FAM193A: variants seen among roughly 807,000 people sequenced by gnomAD.
FAM193A encodes the protein protein FAM193A.
Under a neutral mutation model 126.5 loss-of-function variants are expected in FAM193A, and 22 were observed. That is an observed-to-expected ratio of 0.17 (90% confidence interval 0.12 to 0.25). The LOEUF is 0.25. Ranked by LOEUF, FAM193A falls within the 10% of genes least tolerant of loss-of-function variation. The pLI, the probability that FAM193A is intolerant of heterozygous loss-of-function variation, is 1.00. For missense variants in FAM193A, 1,675 were observed against 1,672.8 expected, an observed-to-expected ratio of 1.00 and a Z score of -0.02; for synonymous variants, 761 against 646.8, an observed-to-expected ratio of 1.18 and a Z score of -2.68.
At chr4:2,686,618 C>T (rs969107640) in intron 13 of FAM193A, among the ~76,000 whole-genome samples, 6 of 152,248 alleles carry the variant, frequency 3.9e-5, no homozygotes, top group African/African-American at 1.4e-4. Context: ...TCTGAACACA[C>T]ATGGGTGGTG....
chr4:2,663,941 TG>T (rs1712789097), intron 12 of FAM193A, among the ~76,000 whole-genome samples: 1 of 152,228 alleles, frequency 6.6e-6, no homozygotes, highest in African/African-American at 2.4e-5. Flanking sequence ...CACTTCAGCC[TG>T]GGCGACAAAG....
chr4:2,621,973 G>A (rs1447222684), intron 2 of FAM193A, among the ~76,000 whole-genome samples: 2 of 152,090 alleles, frequency 1.3e-5, no homozygotes, highest in Non-Finnish European at 2.9e-5. Flanking sequence ...ACCTAAATGT[G>A]GCTTAGTGTG....
At chr4:2,731,652 A>G in intron 20 of FAM193A, 123 bp from the exon 21 acceptor site, 1 of 723,912 alleles carries the variant, frequency 1.4e-6, no homozygotes, top group Non-Finnish European at 2.4e-6. Context: ...CCTCACCGAG[A>G]ATCTAAACCC....
chr4:2,732,143 G>A lies in FAM193A; in HGVS notation c.*275G>A. 2.1e-6 allele frequency: 1 copy of A among 476,344 alleles called. No homozygotes were observed. Among genetic ancestry groups the A allele is most frequent in the Non-Finnish European group, 3.9e-6 (1 of 259,184 alleles). 29.5% of individuals were successfully genotyped at this position (476,344 alleles called of 1,614,324 possible). A position where few individuals can be genotyped will look rare whatever the true frequency, so the allele number is the denominator to read the frequency against. Reference sequence around the variant, plus strand: ...GTCCTCCCACCACCGCGGCCTCGGAGGCCTGGGCCGTGGCCAGATAGGAGT... The same window carrying A: ...GTCCTCCCACCACCGCGGCCTCGGAAGCCTGGGCCGTGGCCAGATAGGAGT... On this transcript the variant is annotated 3_prime_UTR_variant, in exon 21 of 21. Transcript: ENST00000637812.
In FAM193A at chr4:2,700,217, G is replaced by C; in HGVS notation, c.4045G>C (p.Glu1349Gln). 1 of 1,613,886 alleles carries C rather than the reference G, an allele frequency of 6.2e-7. No individual in the cohort carries two copies. Among genetic ancestry groups the C allele is most frequent in the South Asian group, 1.1e-5 (1 of 91,058 alleles). ...KLRQTSKASS[E>Q]PARRPTEPPK... ...GAGGCAGACCAGCAAGGCCAGCAGC[G>C]AGCCAGCGAGGAGGCCCACAGAGCC... Residue 1349 changes from glutamate to glutamine, a missense_variant, in exon 19 of 21, where the codon GAG (glutamate) becomes CAG (glutamine). This residue lies in a region of FAM193A where 415 missense variants were observed against 396.7 expected (regional missense o/e 1.05). Coordinates refer to ENST00000637812, the MANE Select transcript of FAM193A (RefSeq NM_001366318.2).
chr4:2,627,785 C>T (rs1743125801), intron 4 of FAM193A, among the ~76,000 whole-genome samples: 1 of 151,478 alleles, frequency 6.6e-6, no homozygotes, highest in Admixed American at 6.6e-5. Context: ...CTCTGTCGCC[C>T]AGGCTGGAGT....
intron 6 of FAM193A, among the ~76,000 whole-genome samples, chr4:2,641,172 CTGGGAT>C (rs1744583727): frequency 6.6e-6 from 1 of 151,368 alleles, no homozygotes. Context: ...TTCTGAGTAG[CTGGGAT>C]TGGGATTACA....
At chr4:2,687,983 C>T (rs1715933417) in intron 13 of FAM193A, among the ~76,000 whole-genome samples, 1 of 152,184 alleles carries the variant, frequency 6.6e-6, no homozygotes, top group African/African-American at 2.4e-5. Flanking sequence ...CGAACCATCG[C>T]CCATTCTTAA....
chr4:2,565,097 G>A (rs952253855), intron 1 of FAM193A, among the ~76,000 whole-genome samples: 8 of 151,888 alleles, frequency 5.3e-5, no homozygotes, highest in African/African-American at 1.7e-4. Flanking sequence ...CACTGCACCT[G>A]GCTACGTGGG....
At chr4:2,581,584 A>C (rs1739944986) in intron 1 of FAM193A, among the ~76,000 whole-genome samples, 2 of 150,968 alleles carry the variant, frequency 1.3e-5, no homozygotes, top group African/African-American at 4.9e-5. Flanking sequence ...TATGTGGGTT[A>C]GGTATGCTGG....
rs1560632754 is a variant in FAM193A at position 2,731,869 on chromosome 4, A to ATG, written c.*2_*3dup. On this transcript the variant is annotated 3_prime_UTR_variant, in exon 21 of 21. Coordinates refer to ENST00000637812, the MANE Select transcript of FAM193A (RefSeq NM_001366318.2). ...AAAAGCCACCTTTGCTGCCCACTGA[A>ATG]TGAGGACTCCCTGGAGAGGGACACG... The ATG allele has an allele frequency of 6.2e-6, 10 of 1,610,102 alleles. No homozygotes were observed. Among genetic ancestry groups the ATG allele is most frequent in the Non-Finnish European group, 8.5e-6 (10 of 1,176,546 alleles).
At chr4:2,666,094 T>G (rs1469807725) in intron 12 of FAM193A, among the ~76,000 whole-genome samples, 2 of 152,256 alleles carry the variant, frequency 1.3e-5, no homozygotes, top group Non-Finnish European at 2.9e-5. Context: ...ATTTAATCTT[T>G]GACCACTCTT....
intron 2 of FAM193A, among the ~76,000 whole-genome samples, chr4:2,605,725 A>G (rs1741494077): frequency 6.6e-6 from 1 of 152,068 alleles, no homozygotes; most frequent in South Asian, 2.1e-4. Flanking sequence ...TAATCCCAGC[A>G]CTTTGGGAGG....
At chr4:2,546,105 G>A (rs926323581) in intron 1 of FAM193A, among the ~76,000 whole-genome samples, 2 of 151,682 alleles carry the variant, frequency 1.3e-5, no homozygotes, top group Non-Finnish European at 2.9e-5. Context: ...CCGAGATTGT[G>A]CCACTGCACT....
intron 1 of FAM193A, among the ~76,000 whole-genome samples, chr4:2,585,002 T>C (rs1168083091): frequency 6.6e-6 from 1 of 152,164 alleles, no homozygotes; most frequent in Non-Finnish European, 1.5e-5. Context: ...CTTATATAAA[T>C]GGAAGCATCC....
rs1191256576 is a variant in FAM193A, at chr4:2,626,494, C to T, written c.720C>T (p.Tyr240=). 1 of 702,518 alleles carries T rather than the reference C, an allele frequency of 1.4e-6. No individual in the cohort carries two copies. The highest frequency in any genetic ancestry group is 2.6e-6 in the Non-Finnish European group (1 of 384,964). The allele number at this position is 702,518 out of a possible 1,614,324, so 43.5% of individuals were successfully genotyped here. ...TGCGCTACACGGTGCGCTGCATCTA[C>T]CGCCAGGCAGGAACCCCGCTGGCAG... The part of the protein sequence containing the change: ...SEVRYTVRCI[Y]RQAGTPLADD... Residue 240 remains tyrosine (Y), a synonymous_variant, in exon 4 of 21, where the codon TAC becomes TAT. Coordinates refer to ENST00000637812, the MANE Select transcript of FAM193A (RefSeq NM_001366318.2).
chr4:2,716,159 T>C, intron 20 of FAM193A, 55 bp downstream of exon 20: 1 of 1,188,148 alleles, frequency 8.4e-7, no homozygotes, highest in Non-Finnish European at 1.3e-6. Flanking sequence ...GCCATACATG[T>C]TTGGTTTTCT....
At chr4:2,603,080 T>C (rs1019287583) in intron 2 of FAM193A, among the ~76,000 whole-genome samples, 1 of 145,772 alleles carries the variant, frequency 6.9e-6, no homozygotes, top group Non-Finnish European at 1.5e-5. Flanking sequence ...GCCATTCTCC[T>C]GCCTCAGCCT....
At chr4:2,552,828 C>T (rs550243612) in intron 1 of FAM193A, among the ~76,000 whole-genome samples, 2 of 149,846 alleles carry the variant, frequency 1.3e-5, no homozygotes, top group Non-Finnish European at 3.0e-5. Context: ...TGAGCCACCG[C>T]GCCCGGCCAC....
Sources: gnomAD v4.1 joint callset for allele counts (sites outside exome capture counted in the v4.1 genomes callset) on GRCh38, gnomAD v4.1.1 for gene constraint, gnomAD v4.1.1 regional missense constraint, MANE v1.5 for transcripts, NCBI Gene and HGNC (gene_info 2026-07-23, HGNC 2026-07-21) for gene names.